The following ADGRL2 variants were observed in gnomAD, a reference collection of about 807,000 sequenced individuals.
ADGRL2 encodes adhesion G protein-coupled receptor L2.
A neutral mutation model predicts 157.4 loss-of-function variants in ADGRL2; 44 were observed. That is an observed-to-expected ratio of 0.28 (90% CI 0.22 to 0.36). ADGRL2 has a LOEUF of 0.36. ADGRL2 is among the 10% of genes least tolerant of loss of function. The pLI is 1.00. For synonymous variants in ADGRL2, 585 were observed against 624.7 expected (o/e 0.94, Z 0.95); for missense variants, 1,510 against 1,768.9 (o/e 0.85, Z 2.63).
At chr1:81,377,449 G>A (rs1417995131) in intron 1 of ADGRL2, among the ~76,000 whole-genome samples, 3 of 152,000 alleles carry the variant, frequency 2.0e-5, no homozygotes, top group African/African-American at 4.8e-5. Flanking sequence ...TCTTAACTTT[G>A]GACCTGTGTT....
chr1:81,523,634 C>T (rs1368552953), intron 2 of ADGRL2, among the ~76,000 whole-genome samples: 2 of 152,058 alleles, frequency 1.3e-5, no homozygotes, highest in Non-Finnish European at 2.9e-5. Context: ...TCGAAATCAC[C>T]CAAACTTTTT....
intron 2 of ADGRL2, among the ~76,000 whole-genome samples, chr1:81,454,590 C>A (rs2077765291): frequency 6.6e-6 from 1 of 152,272 alleles, no homozygotes; most frequent in African/African-American, 2.4e-5. Flanking sequence ...CTGCATTAAA[C>A]CTACCTGAAG....
chr1:81,961,218 A>C (rs570761924), intron 11 of ADGRL2, among the ~76,000 whole-genome samples: 1 of 152,196 alleles, frequency 6.6e-6, no homozygotes, highest in Non-Finnish European at 1.5e-5. Context: ...TTTCAAGCAT[A>C]CAGAAAGTAG....
At position 81,356,023 on chromosome 1, in the gene ADGRL2, A is replaced by T. The variant is rs978955778; in HGVS notation, c.-302+49514A>T. Reference sequence around the variant, plus strand: ...GGGTATGAACAATGTTAGCTTCAGGATCCCCAACCAAATGCTTACCAATTG... The same window carrying T: ...GGGTATGAACAATGTTAGCTTCAGGTTCCCCAACCAAATGCTTACCAATTG... On this transcript the variant is annotated intron_variant, in intron 1 of 24. Transcript: ENST00000370721. 2.0e-5 allele frequency among the ~76,000 whole-genome samples: 3 copies of T among 152,100 alleles called. No homozygotes were observed. In the East Asian group the frequency reaches 5.8e-4, roughly 29 times the overall value.
chr1:81,412,856 CTT>C (rs1404948964), intron 1 of ADGRL2, among the ~76,000 whole-genome samples: 1 of 151,712 alleles, frequency 6.6e-6, no homozygotes, highest in African/African-American at 2.4e-5. Context: ...ATAGACAGAG[CTT>C]CCTGGGTGTA....
At chr1:81,955,376 T>A (rs1231563640) in intron 10 of ADGRL2, among the ~76,000 whole-genome samples, 1 of 152,134 alleles carries the variant, frequency 6.6e-6, no homozygotes, top group Non-Finnish European at 1.5e-5. Context: ...GTAGACAGTG[T>A]CTATAAGGAA....
intron 3 of ADGRL2, among the ~76,000 whole-genome samples, chr1:81,597,924 G>A (rs560411882): frequency 3.0e-4 from 46 of 152,294 alleles, no homozygotes; most frequent in African/African-American, 1.0e-3. Flanking sequence ...CAGTTCAGTC[G>A]TGCTGGGGAG....
At chr1:81,984,810 T>C in intron 20 of ADGRL2, 99 bp downstream of exon 20, 1 of 1,282,558 alleles carries the variant, frequency 7.8e-7, no homozygotes, top group Non-Finnish European at 1.1e-6. Context: ...CTCATTATAA[T>C]GATCTAGATA....
intron 6 of ADGRL2, among the ~76,000 whole-genome samples, chr1:81,946,581 G>C (rs1649933390): frequency 6.6e-6 from 1 of 151,976 alleles, no homozygotes; most frequent in Admixed American, 6.6e-5. Context: ...AAAATGATGT[G>C]TTTTTACTTG....
intron 2 of ADGRL2, among the ~76,000 whole-genome samples, chr1:81,901,195 T>G (rs1213547253): frequency 6.6e-6 from 1 of 152,174 alleles, no homozygotes; most frequent in Non-Finnish European, 1.5e-5. Flanking sequence ...GTGGACCCAG[T>G]GTTAGATTTA....
intron 3 of ADGRL2, among the ~76,000 whole-genome samples, chr1:81,660,355 CT>C (rs1325471041): frequency 1.3e-5 from 2 of 152,066 alleles, no homozygotes; most frequent in Non-Finnish European, 2.9e-5. Flanking sequence ...TCTGCACTCC[CT>C]TTGTGACCCA....
chr1:81,448,704 C>T (rs1435583715), intron 2 of ADGRL2, among the ~76,000 whole-genome samples: 2 of 151,796 alleles, frequency 1.3e-5, no homozygotes, highest in Non-Finnish European at 2.9e-5. Context: ...CAAAAACAGA[C>T]AAACAAAAAA....
At chr1:81,324,371 T>C (rs2100649025) in intron 1 of ADGRL2, among the ~76,000 whole-genome samples, 1 of 151,028 alleles carries the variant, frequency 6.6e-6, no homozygotes, top group South Asian at 2.1e-4. Flanking sequence ...CAGCTGGGCA[T>C]GGTGGCATGT....
At chr1:81,665,964 A>G (rs2082742777) in intron 3 of ADGRL2, among the ~76,000 whole-genome samples, 1 of 152,144 alleles carries the variant, frequency 6.6e-6, no homozygotes, top group African/African-American at 2.4e-5. Context: ...TCTTCTTCCA[A>G]TCAGAAAATA....
At chr1:81,676,421 C>A (rs149387078) in intron 3 of ADGRL2, among the ~76,000 whole-genome samples, 106 of 152,184 alleles carry the variant, frequency 7.0e-4, no homozygotes, top group African/African-American at 2.4e-3. Flanking sequence ...CCTCAGCCTC[C>A]CGAATAGCTA....
chr1:81,934,615 C>G (rs185168233), intron 3 of ADGRL2, among the ~76,000 whole-genome samples: 113 of 152,010 alleles, frequency 7.4e-4, no homozygotes, highest in African/African-American at 2.5e-3. Flanking sequence ...CCACCAGTTG[C>G]TAGTTTGTTG....
chr1:81,534,470 A>G (rs1300346407), intron 2 of ADGRL2, among the ~76,000 whole-genome samples: 1 of 152,200 alleles, frequency 6.6e-6, no homozygotes, highest in Non-Finnish European at 1.5e-5. Flanking sequence ...CCTGATTACA[A>G]GTTATTTTAG....
chr1:81,788,645 C>A (rs1033069341), intron 2 of ADGRL2, among the ~76,000 whole-genome samples: 2 of 152,206 alleles, frequency 1.3e-5, no homozygotes, highest in Non-Finnish European at 2.9e-5. Context: ...GCCTCTCCTC[C>A]TGGATGTTGC....
intron 6 of ADGRL2, among the ~76,000 whole-genome samples, chr1:81,948,265 CA>C (rs35614162): frequency 0.76 from 110,914 of 146,638 alleles, 41,912 homozygotes; most frequent in East Asian, 0.94. Flanking sequence ...AATAAATTAT[CA>C]AAAAAAAAAA....
Sources: gnomAD v4.1 joint callset for allele counts (sites outside exome capture counted in the v4.1 genomes callset) on GRCh38, gnomAD v4.1.1 for gene constraint, MANE v1.5 for transcripts, NCBI Gene and HGNC (gene_info 2026-07-23, HGNC 2026-07-21) for gene names.